The following RFX3 variants were observed in gnomAD, a reference collection of about 807,000 sequenced individuals.
RFX3 encodes transcription factor RFX3.
A neutral mutation model predicts 98.6 loss-of-function variants in RFX3; 14 were observed. The observed-to-expected ratio is 0.14, with a 90% CI of 0.09 to 0.22. The LOEUF is 0.22. RFX3 is among the 10% of genes least tolerant of loss of function. RFX3 has a pLI of 1.00. For missense variants in RFX3, 639 were observed against 926.9 expected (o/e 0.69, Z 4.03); for synonymous variants, 383 against 328.4 (o/e 1.17, Z -1.80).
intron 4 of RFX3, among the ~76,000 whole-genome samples, chr9:3,326,105 C>T (rs1563930064): frequency 2.0e-5 from 3 of 151,516 alleles, no homozygotes; most frequent in Non-Finnish European, 2.9e-5. Context: ...TAATATTATC[C>T]GCAGGAAATG....
chr9:3,247,448 T>C, intron 15 of RFX3: 1 of 690,418 alleles, frequency 1.4e-6, no homozygotes, highest in Non-Finnish European at 1.8e-6. Flanking sequence ...CTTAGCTTTC[T>C]GCATAAACCT....
intron 2 of RFX3, among the ~76,000 whole-genome samples, chr9:3,357,094 C>T (rs1835867537): frequency 6.6e-6 from 1 of 151,878 alleles, no homozygotes; most frequent in African/African-American, 2.4e-5. Context: ...AGATCTTTGG[C>T]ACTTTCAAAA....
intron 2 of RFX3, among the ~76,000 whole-genome samples, chr9:3,393,828 G>T (rs1840566916): frequency 6.6e-6 from 1 of 152,120 alleles, no homozygotes; most frequent in Non-Finnish European, 1.5e-5. Flanking sequence ...GACTCTAAAA[G>T]GAGAGAGGGT....
At chr9:3,369,983 T>G (rs7027049) in intron 2 of RFX3, among the ~76,000 whole-genome samples, 1 of 147,990 alleles carries the variant, frequency 6.8e-6, no homozygotes, top group Non-Finnish European at 1.5e-5. Context: ...CGCCCGCCAC[T>G]ACGCCCGGCT....
intron 1 of RFX3, among the ~76,000 whole-genome samples, chr9:3,461,051 T>C (rs1275208772): frequency 2.0e-5 from 3 of 151,104 alleles, no homozygotes; most frequent in Non-Finnish European, 4.4e-5. Context: ...TGAGATTTAC[T>C]ATTTCTTATT....
chr9:3,234,789 G>A (rs568583549), intron 15 of RFX3, among the ~76,000 whole-genome samples: 69 of 152,300 alleles, frequency 4.5e-4, no homozygotes, highest in African/African-American at 1.5e-3. Context: ...TAAGACCCTG[G>A]AAGACCTGCT....
At chr9:3,268,228 T>G (rs537072548) in intron 11 of RFX3, among the ~76,000 whole-genome samples, 2 of 151,922 alleles carry the variant, frequency 1.3e-5, no homozygotes, top group East Asian at 3.9e-4. Flanking sequence ...TGCAGAATTT[T>G]TTTAGCTAAA....
chr9:3,305,983 G>A (rs3012696), intron 4 of RFX3, among the ~76,000 whole-genome samples: 18,982 of 151,982 alleles, frequency 0.12, 1,239 homozygotes, highest in Middle Eastern at 0.2. Flanking sequence ...CCAGTTTATT[G>A]TGGATCACTT....
At chr9:3,446,612 A>C (rs897692033) in intron 1 of RFX3, among the ~76,000 whole-genome samples, 4 of 152,012 alleles carry the variant, frequency 2.6e-5, no homozygotes, top group Non-Finnish European at 2.9e-5. Context: ...AAAAAAAAAA[A>C]CATACATACA....
In RFX3 at chr9:3,218,585, G is replaced by C. The variant is rs1461365916; in HGVS notation, c.*6457C>G. ...AGGACATGATATACTAAAAGATTTA[G>C]CATTTCTCACAAAAATCACATCAGG... On this transcript the variant is annotated 3_prime_UTR_variant, in exon 17 of 17. Coordinates refer to ENST00000617270, the MANE Select transcript of RFX3 (RefSeq NM_001282116.2). 6.6e-6 allele frequency: 1 copy of C among 152,012 alleles called. No homozygotes were observed. Among genetic ancestry groups the C allele is most frequent in the Non-Finnish European group, 1.5e-5 (1 of 67,994 alleles). The allele number at this position is 152,012 out of a possible 1,614,324, so 9.4% of individuals were successfully genotyped here. A position where few individuals can be genotyped will look rare whatever the true frequency, so the allele number is the denominator to read the frequency against.
chr9:3,396,632 G>C (rs1840914867), intron 1 of RFX3, among the ~76,000 whole-genome samples: 1 of 152,154 alleles, frequency 6.6e-6, no homozygotes, highest in African/African-American at 2.4e-5. Flanking sequence ...TTCCACAATG[G>C]TTGAACTAGT....
chr9:3,285,667 T>C (rs1296563227), intron 7 of RFX3, among the ~76,000 whole-genome samples: 2 of 151,634 alleles, frequency 1.3e-5, no homozygotes, highest in Non-Finnish European at 1.5e-5. Context: ...CTGTCTATAA[T>C]CCTAAACTTG....
At chr9:3,498,561 T>C (rs974421760) in intron 1 of RFX3, among the ~76,000 whole-genome samples, 1 of 152,082 alleles carries the variant, frequency 6.6e-6, no homozygotes, top group Non-Finnish European at 1.5e-5. Flanking sequence ...AATACTTCCC[T>C]GAAAACTTCT....
chr9:3,373,415 A>G (rs1587381732), intron 2 of RFX3, among the ~76,000 whole-genome samples: 1 of 152,202 alleles, frequency 6.6e-6, no homozygotes, highest in Non-Finnish European at 1.5e-5. Flanking sequence ...CCCAGAAAAA[A>G]TTATTAGAGA....
chr9:3,385,659 G>T (rs143982044), intron 2 of RFX3, among the ~76,000 whole-genome samples: 1 of 140,050 alleles, frequency 7.1e-6, no homozygotes, highest in Non-Finnish European at 1.5e-5. Context: ...AGTGAGCCAA[G>T]ATTGCACCAT....
intron 4 of RFX3, among the ~76,000 whole-genome samples, chr9:3,306,836 A>G (rs1829380694): frequency 6.6e-6 from 1 of 152,076 alleles, no homozygotes; most frequent in Non-Finnish European, 1.5e-5. Context: ...CAAAGCAAAC[A>G]AGATAAGATT....
chr9:3,339,876 T>A (rs1243557612), intron 3 of RFX3, among the ~76,000 whole-genome samples: 2 of 152,222 alleles, frequency 1.3e-5, no homozygotes, highest in Middle Eastern at 3.4e-3. Flanking sequence ...TACCGATGAC[T>A]TTCTTCACAG....
At chr9:3,247,412 T>C (rs1321568603) in intron 15 of RFX3, 10 of 828,412 alleles carry the variant, frequency 1.2e-5, no homozygotes, top group Non-Finnish European at 1.3e-5. Flanking sequence ...ATTTTTTAGC[T>C]GAGTAATCAT....
Position 3,257,207 on chromosome 9 carries a change from A to C in RFX3, c.1606-8T>G. On this transcript the variant is annotated splice_polypyrimidine_tract_variant and splice_region_variant and intron_variant, in intron 13 of 16. Coordinates refer to ENST00000617270, the MANE Select transcript of RFX3 (RefSeq NM_001282116.2). ...CACCCAGGAAGCCTGCTCCTGAGAC[A>C]GTAACACAGAAAGAAAAGGAAAAGT... is the stretch of plus-strand genomic sequence containing the variant. 1 of 1,613,280 alleles carries C rather than the reference A, an allele frequency of 6.2e-7. No individual in the cohort carries two copies. Among genetic ancestry groups the C allele is most frequent in the Non-Finnish European group, 8.5e-7 (1 of 1,179,428 alleles).
Sources: allele counts gnomAD v4.1 joint callset (sites outside exome capture counted in the v4.1 genomes callset), GRCh38; gene constraint gnomAD v4.1.1; transcripts MANE v1.5; gene names NCBI Gene and HGNC (gene_info 2026-07-23, HGNC 2026-07-21).